The following IQANK1 variants were observed in gnomAD, a reference collection of about 807,000 sequenced individuals.
The protein encoded by IQANK1 is IQ motif and ankyrin repeat domain-containing protein 1.
In IQANK1, 30 loss-of-function variants were observed where a neutral mutation model predicts 22.6. That is an observed-to-expected ratio of 1.33 (90% CI 0.99 to 1.80). The LOEUF (loss-of-function observed/expected upper bound fraction) is 1.80, where lower values mean the gene tolerates loss of function less well. Among genes scored for constraint, IQANK1 ranks in the 40% most tolerant of loss-of-function variants. The pLI is 0.00. For synonymous variants in IQANK1, 122 were observed against 99.6 expected (o/e 1.23, Z -1.34); for missense variants, 275 against 235.2 (o/e 1.17, Z -1.11).
chr8:143,787,188 A>C (rs1220456532), intron 7 of IQANK1, among the ~76,000 whole-genome samples: 1 of 150,740 alleles, frequency 6.6e-6, no homozygotes, highest in Non-Finnish European at 1.5e-5. Flanking sequence ...GGTCGGTCTA[A>C]ATGTCTAGAA....
rs1469464206 is a variant in IQANK1, at chr8:143,790,127, G to A, written c.1290-10G>A. On this transcript the variant is annotated splice_polypyrimidine_tract_variant and intron_variant, in intron 12 of 13. Transcript: ENST00000527139. ...TGGACAGACAGCAGTGACCTGATGGGTGTCCCCAGGTGGCCTCTTGTTATT... is the reference window on the plus strand; with the variant it reads ...TGGACAGACAGCAGTGACCTGATGGATGTCCCCAGGTGGCCTCTTGTTATT... 1.6e-6 allele frequency: 2 copies of A among 1,231,948 alleles called. No homozygotes were observed. Among genetic ancestry groups the A allele is most frequent in the African/African-American group, 3.1e-5 (2 of 64,432 alleles). The allele number at this position is 1,231,948 out of a possible 1,614,324, so 76.3% of individuals were successfully genotyped here.
intron 7 of IQANK1, among the ~76,000 whole-genome samples, chr8:143,779,841 A>G (rs931373122): frequency 2.0e-5 from 3 of 152,186 alleles, no homozygotes; most frequent in Admixed American, 6.5e-5. Flanking sequence ...AATGGTAGCT[A>G]TTATTATTTT....
Position 143,771,862 on chromosome 8 carries a change from A to G in IQANK1, c.368A>G (p.Glu123Gly). ...EAARRLREQE[E>G]AAQRERREEL... The stretch of plus-strand genomic sequence containing the variant: ...GCGCGGCGGCTGCGCGAGCAGGAGG[A>G]GGCGGCGCAGCGGGAGCGGCGGGAG... Residue 123 changes from glutamate (E) to glycine (G), a missense_variant, in exon 5 of 14, where the codon GAG becomes GGG. Glu to Gly is a moderately conservative substitution (Grantham distance 98). Coordinates refer to ENST00000527139, the MANE Select transcript of IQANK1 (RefSeq NM_001381874.1). The surrounding 1 kb of genome is among the most constrained non-coding windows in gnomAD (Gnocchi z 6.0). The G allele has an allele frequency of 2.6e-6, 1 of 392,138 alleles. No individual in the cohort carries two copies. The highest frequency in any genetic ancestry group is 4.5e-6 in the Non-Finnish European group (1 of 223,046). The allele number at this position is 392,138 out of a possible 1,614,324, so 24.3% of individuals were successfully genotyped here.
intron 3 of IQANK1, among the ~76,000 whole-genome samples, chr8:143,743,352 C>A (rs558414896): frequency 2.0e-5 from 3 of 152,332 alleles, no homozygotes; most frequent in African/African-American, 7.2e-5. Context: ...ATCCTCCTGC[C>A]TCAGCCTGAG....
rs1819654310 is a variant in IQANK1 at position 143,774,876 on chromosome 8, G to A, written c.789+2394G>A. Reference sequence around the variant, plus strand: ...CTAGCAACGTGGAGAAACCGGAAGGGAGCTTCACAGAGTGGGGGAGAAGGT... The same window carrying A: ...CTAGCAACGTGGAGAAACCGGAAGGAAGCTTCACAGAGTGGGGGAGAAGGT... On this transcript the variant is annotated intron_variant, in intron 7 of 13. Coordinates refer to ENST00000527139, the MANE Select transcript of IQANK1 (RefSeq NM_001381874.1). The surrounding 1 kb of genome is among the most constrained non-coding windows in gnomAD (Gnocchi z 4.2). 6.6e-6 allele frequency among the ~76,000 whole-genome samples: 1 copy of A among 152,192 alleles called. No homozygotes were observed. Among genetic ancestry groups the A allele is most frequent in the South Asian group, 2.1e-4 (1 of 4,830 alleles).
chr8:143,759,257 C>G (rs1453319658), intron 3 of IQANK1: 1 of 174,730 alleles, frequency 5.7e-6, no homozygotes, highest in Admixed American at 6.0e-5. Context: ...AATCCCTCCT[C>G]TCGCAAACAT....
Position 143,775,869 on chromosome 8 carries a change from T to C in IQANK1, c.789+3387T>C, listed in dbSNP as rs141538989. On this transcript the variant is annotated intron_variant, in intron 7 of 13. Transcript: ENST00000527139. ...AAACTGCAATGTCTGAGATGAAAAG[T>C]ACATTGATACACTGGATGGGATTAA... Among the ~76,000 whole-genome samples, 872 of 151,078 alleles carry C rather than the reference T, an allele frequency of 5.8e-3. 3 individuals carry two copies. The highest frequency in any genetic ancestry group is 0.018 in the African/African-American group (735 of 40,914).
chr8:143,787,692 C>G (rs575356070), intron 7 of IQANK1, among the ~76,000 whole-genome samples: 1 of 152,292 alleles, frequency 6.6e-6, no homozygotes, highest in East Asian at 1.9e-4. Flanking sequence ...TGTCTTCATC[C>G]TTCCCATGCC....
rs1325858577 is a variant in IQANK1, at chr8:143,790,034, A to G, written c.1259A>G (p.Asp420Gly). 9 of 1,231,986 alleles carry G rather than the reference A, an allele frequency of 7.3e-6. No homozygotes were observed. The highest frequency in any genetic ancestry group is 7.1e-6 in the Non-Finnish European group (7 of 988,028). The allele number at this position is 1,231,986 out of a possible 1,614,324, so 76.3% of individuals were successfully genotyped here. A position where few individuals can be genotyped will look rare whatever the true frequency, so the allele number is the denominator to read the frequency against. Residue 420 changes from aspartate (D) to glycine (G), a missense_variant, in exon 12 of 14, where the codon GAT becomes GGT. Asp to Gly is a moderately conservative substitution (Grantham distance 94, BLOSUM62 -1). Transcript: ENST00000527139. ...GAGCTGCACGATGTGCTGATGAAAG[A>G]TGTAGGCAACCGCATCCGTGCCGAT... ...VTELHDVLMK[D>G]VGNRIRADGR...
chr8:143,737,154 C>T (rs1196508990), intron 2 of IQANK1, among the ~76,000 whole-genome samples: 1 of 152,230 alleles, frequency 6.6e-6, no homozygotes. Context: ...GCACAGGTGC[C>T]GCATGCTGCT....
rs1252771389 is a variant in IQANK1, at chr8:143,769,782, GA to G, written c.176-1705del. Among the ~76,000 whole-genome samples the G allele has an allele frequency of 3.9e-5, 6 of 152,332 alleles. No homozygotes were observed. In the East Asian group the frequency reaches 9.6e-4, roughly 24 times the overall value. ...CAGACACTTGTTTAAAAAACACTTT[GA>G]TTTCGTCTGTCTTCTCTCTTGCTGT... is the stretch of plus-strand genomic sequence containing the variant. On this transcript the variant is annotated intron_variant, in intron 3 of 13. Coordinates refer to ENST00000527139, the MANE Select transcript of IQANK1 (RefSeq NM_001381874.1).
At position 143,759,147 on chromosome 8, in the gene IQANK1, G is replaced by C. The variant is rs375567529; in HGVS notation, c.176-12341G>C. On this transcript the variant is annotated intron_variant, in intron 3 of 13. Transcript: ENST00000527139. ...GGAACACCACGATGCTCCAGGAGAA[G>C]CTCCTGGCTGGGCTGCAGGCAGCAA... 5 of 288,484 alleles carry C rather than the reference G, an allele frequency of 1.7e-5. No homozygotes were observed. The East Asian group carries it at 4.0e-4, about 23-fold the overall frequency. 17.9% of individuals were successfully genotyped at this position (288,484 alleles called of 1,614,324 possible).
intron 3 of IQANK1, among the ~76,000 whole-genome samples, chr8:143,756,554 A>G (rs1434637345): frequency 1.3e-5 from 2 of 151,872 alleles, no homozygotes; most frequent in African/African-American, 2.4e-5. Flanking sequence ...CACACGCCCA[A>G]CCTCGTGGCT....
At chr8:143,779,082 A>G (rs1292320868) in intron 7 of IQANK1, among the ~76,000 whole-genome samples, 5 of 152,190 alleles carry the variant, frequency 3.3e-5, no homozygotes, top group Admixed American at 6.5e-5. Context: ...TCATTTATTT[A>G]TAAACTTATA....
At chr8:143,773,314 A>AC (rs1490184339) in intron 7 of IQANK1, among the ~76,000 whole-genome samples, 39 of 77,204 alleles carry the variant, frequency 5.1e-4, no homozygotes, top group African/African-American at 3.2e-3. Flanking sequence ...AAAAAAAAAA[A>AC]AACAAAAAAA....
At chr8:143,759,926 T>C (rs1229768626) in intron 3 of IQANK1, 2 of 152,204 alleles carry the variant, frequency 1.3e-5, no homozygotes, top group South Asian at 2.1e-4. Context: ...TCTTTTTAGC[T>C]ACACACTCAG....
intron 3 of IQANK1, chr8:143,744,959 G>A (rs564760768): frequency 2.4e-4 from 36 of 152,360 alleles, no homozygotes; most frequent in Admixed American, 2.2e-3. Flanking sequence ...AAGTCCTGGC[G>A]TCAATGTCAG....
At chr8:143,763,456 G>A (rs1819430829) in intron 3 of IQANK1, among the ~76,000 whole-genome samples, 1 of 152,192 alleles carries the variant, frequency 6.6e-6, no homozygotes, top group South Asian at 2.1e-4. Context: ...GTATTGAAGT[G>A]TGATCCCCAA....
At chr8:143,740,667 G>C (rs1818885183) in intron 3 of IQANK1, among the ~76,000 whole-genome samples, 2 of 152,226 alleles carry the variant, frequency 1.3e-5, no homozygotes, top group South Asian at 4.1e-4. Context: ...GTGCGCCCCT[G>C]CTGGGCATGG....
Sources: allele counts gnomAD v4.1 joint callset (sites outside exome capture counted in the v4.1 genomes callset), GRCh38; gene constraint gnomAD v4.1.1; non-coding constraint Gnocchi (gnomAD v3.1); transcripts MANE v1.5; gene names NCBI Gene and HGNC (gene_info 2026-07-23, HGNC 2026-07-21).